Variants in RFX8 observed in about 807,000 individuals in gnomAD.
The protein encoded by RFX8 is regulatory factor X8.
Under a neutral mutation model 54.6 loss-of-function variants are expected in RFX8, and 46 were observed. The ratio of observed to expected loss-of-function variants is 0.84; its 90% CI spans 0.67 to 1.08. The LOEUF (loss-of-function observed/expected upper bound fraction) is 1.08. RFX8 is among the 50% of genes least tolerant of loss of function. The pLI is 0.00. For synonymous variants in RFX8, 192 were observed against 209.5 expected, an observed-to-expected ratio of 0.92 and a Z score of 0.72; for missense variants, 536 against 562.3, an observed-to-expected ratio of 0.95 and a Z score of 0.47.
chr2:101,412,293 C>T (rs991923987), intron 8 of RFX8, among the ~76,000 whole-genome samples: 11 of 152,154 alleles, frequency 7.2e-5, no homozygotes, highest in South Asian at 2.1e-4. Flanking sequence ...CCACTATGTT[C>T]GCTCCCCAAG....
chr2:101,464,151 G>A (rs1689438813), intron 2 of RFX8, among the ~76,000 whole-genome samples: 1 of 152,180 alleles, frequency 6.6e-6, no homozygotes, highest in East Asian at 1.9e-4. Flanking sequence ...ATGAGTGAGT[G>A]TGCATGTCTG....
At chr2:101,417,412 C>T (rs13417170) in intron 6 of RFX8, 122 bp downstream of exon 6, 68 of 841,608 alleles carry the variant, frequency 8.1e-5, no homozygotes, top group East Asian at 8.1e-4. Flanking sequence ...CACTATGTTG[C>T]CCGGGCTGGT....
rs573783660 is a variant in RFX8, at chr2:101,411,708, A to G, written c.719-995T>C. 9.2e-5 allele frequency among the ~76,000 whole-genome samples: 14 copies of G among 152,064 alleles called. No individual in the cohort carries two copies. In the East Asian group the frequency reaches 1.2e-3, roughly 13 times the overall value. On this transcript the variant is annotated intron_variant, in intron 8 of 11. Coordinates refer to ENST00000428343, the MANE Select transcript of RFX8 (RefSeq NM_001145664.2). ...ACCTTTTAGTTGCTGGATTGGTGGG[A>G]AAAAAAAGTGCCCTATGGGAGGATC...
chr2:101,410,642 G>GTGAA lies in RFX8; in HGVS notation c.786_789dup (p.His264PhefsTer46). 6.5e-7 allele frequency: 1 copy of GTGAA among 1,538,950 alleles called. No individual in the cohort carries two copies. The highest frequency in any genetic ancestry group is 8.8e-7 in the Non-Finnish European group (1 of 1,136,440). On this transcript the variant is annotated frameshift_variant, in exon 9 of 12. Transcript: ENST00000428343. LOFTEE classifies it high-confidence loss of function. ...ACCTGGAACACAAATGCTTGGAGAT[G>GTGAA]TGAAGACAGACAGCTGAGGAATACC...
intron 2 of RFX8, among the ~76,000 whole-genome samples, chr2:101,444,058 C>G (rs1482656202): frequency 6.6e-6 from 1 of 152,184 alleles, no homozygotes; most frequent in Non-Finnish European, 1.5e-5. Flanking sequence ...CAATTCAATG[C>G]CCATTCCATG....
At chr2:101,402,878 C>A in intron 10 of RFX8, 126 bp from the exon 11 acceptor site, 1 of 847,088 alleles carries the variant, frequency 1.2e-6, no homozygotes, top group Non-Finnish European at 1.8e-6. Flanking sequence ...ATAGCTTACC[C>A]AGAAGAGGCC....
At chr2:101,415,646 G>T (rs1686451550) in intron 6 of RFX8, among the ~76,000 whole-genome samples, 1 of 152,224 alleles carries the variant, frequency 6.6e-6, no homozygotes, top group Admixed American at 6.5e-5. Context: ...ACAAATATAT[G>T]GGAGAACACT....
chr2:101,425,249 T>C (rs1450332590), intron 2 of RFX8, among the ~76,000 whole-genome samples: 4 of 152,204 alleles, frequency 2.6e-5, no homozygotes, highest in Non-Finnish European at 5.9e-5. Flanking sequence ...ACTCACACCC[T>C]GGTTATGTCA....
At chr2:101,417,485 C>T in intron 6 of RFX8, 49 bp downstream of exon 6, 1 of 1,511,118 alleles carries the variant, frequency 6.6e-7, no homozygotes, top group Non-Finnish European at 8.9e-7. Flanking sequence ...GGATTACAGG[C>T]ATGAGCCACT....
intron 2 of RFX8, among the ~76,000 whole-genome samples, chr2:101,448,503 C>T (rs533223944): frequency 5.9e-5 from 9 of 152,362 alleles, no homozygotes; most frequent in South Asian, 2.1e-4. Context: ...CAAAGCCCAA[C>T]GCCCTTGTAG....
At position 101,417,662 on chromosome 2, in the gene RFX8, T is replaced by A. The variant is rs73943467; in HGVS notation, c.374A>T (p.His125Leu). 1.9e-6 allele frequency: 3 copies of A among 1,549,224 alleles called. No homozygotes were observed. The highest frequency in any genetic ancestry group is 2.7e-5 in the African/African-American group (2 of 72,876). ...LYKGIEDVLL[H>L]DFLEDVSIQY... ...AATAGAAACATCTTCCAAGAAGTCA[T>A]GAAGGAGAACATCCTCAATTCCCTA... The change falls in exon 6 of 12, where the codon CAT becomes CTT. Residue 125 changes from histidine to leucine, a missense_variant. His to Leu is a moderately conservative substitution (Grantham distance 99). Transcript: ENST00000428343.
At chr2:101,442,587 A>G (rs1206459057) in intron 2 of RFX8, among the ~76,000 whole-genome samples, 1 of 151,982 alleles carries the variant, frequency 6.6e-6, no homozygotes, top group Non-Finnish European at 1.5e-5. Flanking sequence ...GGTGGTTTCA[A>G]TGATAAATGT....
chr2:101,416,604 G>C (rs572317709), intron 6 of RFX8, among the ~76,000 whole-genome samples: 15 of 152,282 alleles, frequency 9.9e-5, no homozygotes, highest in African/African-American at 3.4e-4. Context: ...CCCTGACCTG[G>C]CAAGGAGGGT....
Position 101,410,723 on chromosome 2 carries a change from C to G in RFX8, c.719-10G>C. 2 of 1,411,538 alleles carry G rather than the reference C, an allele frequency of 1.4e-6. No homozygotes were observed. The highest frequency in any genetic ancestry group is 2.0e-6 in the Non-Finnish European group (2 of 1,022,848). The allele number at this position is 1,411,538 out of a possible 1,614,324, so 87.4% of individuals were successfully genotyped here. A position where few individuals can be genotyped will look rare whatever the true frequency, so the allele number is the denominator to read the frequency against. ...ATTAAGTTTCTTAAACCTACAAAGACACAAAATAAACAAACAAAAGATTGC... is the reference window on the plus strand; with the variant it reads ...ATTAAGTTTCTTAAACCTACAAAGAGACAAAATAAACAAACAAAAGATTGC... On this transcript the variant is annotated splice_polypyrimidine_tract_variant and intron_variant, in intron 8 of 11. Transcript: ENST00000428343.
chr2:101,397,459 A>G lies in RFX8; in HGVS notation c.*89T>C. On this transcript the variant is annotated 3_prime_UTR_variant, in exon 12 of 12. Coordinates refer to ENST00000428343, the MANE Select transcript of RFX8 (RefSeq NM_001145664.2). ...CTACATCTATTATATACATAACATC[A>G]TCTTTCGTCAATAGAAAAACTTTAG... is the stretch of plus-strand genomic sequence containing the variant. 1.2e-6 allele frequency: 1 copy of G among 825,896 alleles called. No individual in the cohort carries two copies. Among genetic ancestry groups the G allele is most frequent in the South Asian group, 2.2e-5 (1 of 46,064 alleles). 51.2% of individuals were successfully genotyped at this position (825,896 alleles called of 1,614,324 possible).
intron 2 of RFX8, among the ~76,000 whole-genome samples, chr2:101,460,859 G>T (rs1689232774): frequency 6.6e-6 from 1 of 151,634 alleles, no homozygotes; most frequent in South Asian, 2.1e-4. Flanking sequence ...CACAAGCTGG[G>T]ATGAGGGGGA....
At chr2:101,464,124 C>T (rs1329329863) in intron 2 of RFX8, among the ~76,000 whole-genome samples, 2 of 152,176 alleles carry the variant, frequency 1.3e-5, no homozygotes, top group East Asian at 1.9e-4. Flanking sequence ...CAGCTCCTGC[C>T]GGTCCCATAT....
chr2:101,422,525 G>A lies in RFX8; in HGVS notation c.73-53C>T, dbSNP rs568645142. The A allele has an allele frequency of 4.9e-5, 54 of 1,100,552 alleles. No individual in the cohort carries two copies. In the South Asian group the frequency reaches 7.0e-4, roughly 14 times the overall value. 68.2% of individuals were successfully genotyped at this position (1,100,552 alleles called of 1,614,324 possible). ...GTCTTTAAAATACAATACTTTTTTT[G>A]GCATATAAATCTTCTTATGATCACA... On this transcript the variant is annotated intron_variant, in intron 2 of 11. Transcript: ENST00000428343.
At chr2:101,450,466 G>A (rs191788583) in intron 2 of RFX8, 3 of 555,768 alleles carry the variant, frequency 5.4e-6, no homozygotes, top group African/African-American at 3.8e-5. Context: ...CAACTCAAGC[G>A]GTTCTTGTGC....
Sources: gnomAD v4.1 joint callset for allele counts (sites outside exome capture counted in the v4.1 genomes callset) on GRCh38, gnomAD v4.1.1 for gene constraint, MANE v1.5 for transcripts, NCBI Gene and HGNC (gene_info 2026-07-23, HGNC 2026-07-21) for gene names.